The following MCOLN2 variants were observed in gnomAD, a reference collection of about 807,000 sequenced individuals.
MCOLN2 encodes the protein mucolipin TRP cation channel 2, also known as mucolipin-2.
Under a neutral mutation model 67.5 loss-of-function variants are expected in MCOLN2, and 57 were observed. The ratio of observed to expected loss-of-function variants is 0.84; its 90% CI spans 0.68 to 1.05. MCOLN2 has a LOEUF of 1.05. Among genes scored for constraint, MCOLN2 ranks in the 50% least tolerant of loss-of-function variants. MCOLN2 has a pLI of 0.00. For missense variants in MCOLN2, 620 were observed against 678.8 expected (o/e 0.91, Z 0.96); for synonymous variants, 246 against 233.3 (o/e 1.05, Z -0.50).
chr1:84,966,629 T>C (rs1036039650), intron 1 of MCOLN2, among the ~76,000 whole-genome samples: 2 of 152,208 alleles, frequency 1.3e-5, no homozygotes, highest in South Asian at 2.1e-4. Context: ...TTCCAGAATA[T>C]AAATAGCTTC....
At chr1:84,984,935 G>A (rs1557663636) in intron 1 of MCOLN2, among the ~76,000 whole-genome samples, 1 of 152,160 alleles carries the variant, frequency 6.6e-6, no homozygotes, top group Non-Finnish European at 1.5e-5. Flanking sequence ...GGTCGAGGCT[G>A]CAGTGAGCTG....
chr1:84,932,019 G>C (rs1647212028), intron 11 of MCOLN2, among the ~76,000 whole-genome samples: 1 of 140,918 alleles, frequency 7.1e-6, no homozygotes, highest in Non-Finnish European at 1.5e-5. Flanking sequence ...GCGAGACCCT[G>C]TCTCTTTAAA....
At chr1:84,971,620 CAG>C (rs2102867492) in intron 1 of MCOLN2, among the ~76,000 whole-genome samples, 2 of 151,132 alleles carry the variant, frequency 1.3e-5, no homozygotes, top group South Asian at 4.2e-4. Context: ...AATTTTAAAA[CAG>C]AGAAAGAGAG....
At chr1:84,937,913 T>C (rs768693761) in intron 10 of MCOLN2, 36 bp from the exon 11 acceptor site, 2 of 1,613,868 alleles carry the variant, frequency 1.2e-6, no homozygotes, top group South Asian at 2.2e-5. Context: ...AATGAAAAAG[T>C]AGCTATTAGA....
At chr1:84,987,582 A>AGATG (rs1650659471) in intron 1 of MCOLN2, among the ~76,000 whole-genome samples, 1 of 86,820 alleles carries the variant, frequency 1.2e-5, no homozygotes, top group African/African-American at 4.0e-5. Flanking sequence ...GTATACATAG[A>AGATG]TATATACATA....
rs149410150 is a variant in MCOLN2, at chr1:84,931,375, T to C, written c.1529A>G (p.Tyr510Cys). The C allele has an allele frequency of 4.2e-5, 65 of 1,564,232 alleles. No individual in the cohort carries two copies. The highest frequency in any genetic ancestry group is 5.4e-5 in the Non-Finnish European group (61 of 1,135,724). The change falls in exon 12 of 14, where the codon TAT becomes TGT. Residue 510 changes from tyrosine to cysteine, a missense_variant. Coordinates refer to ENST00000370608, the MANE Select transcript of MCOLN2 (RefSeq NM_153259.4). ...ATAATTACTTACCTTAATGGTGTCA[T>C]AAGAATCTGTAATAAGTGCAATAAA... ...SLFIALITDS[Y>C]DTIKKFQQNG...
intron 6 of MCOLN2, among the ~76,000 whole-genome samples, chr1:84,949,640 G>A (rs949553592): frequency 5.9e-5 from 9 of 151,978 alleles, no homozygotes; most frequent in Non-Finnish European, 1.0e-4. Context: ...GCAAGACTCC[G>A]TCTCAAAAAA....
At chr1:84,940,494 C>T (rs1647700908) in intron 8 of MCOLN2, among the ~76,000 whole-genome samples, 1 of 152,190 alleles carries the variant, frequency 6.6e-6, no homozygotes, top group Non-Finnish European at 1.5e-5. Context: ...TACCATGCCT[C>T]CCTGTCAAAA....
At chr1:84,954,503 C>T (rs1057464254) in intron 4 of MCOLN2, among the ~76,000 whole-genome samples, 2 of 152,218 alleles carry the variant, frequency 1.3e-5, no homozygotes, top group African/African-American at 4.8e-5. Context: ...ATTTAATCTT[C>T]AAAGCAACCT....
At chr1:84,970,211 C>T (rs566122775) in intron 1 of MCOLN2, among the ~76,000 whole-genome samples, 1 of 152,160 alleles carries the variant, frequency 6.6e-6, no homozygotes, top group Admixed American at 6.5e-5. Flanking sequence ...ATGGTGTACA[C>T]TGAATTCTCA....
intron 7 of MCOLN2, among the ~76,000 whole-genome samples, chr1:84,942,530 A>G (rs1647848941): frequency 6.6e-6 from 1 of 152,226 alleles, no homozygotes; most frequent in Non-Finnish European, 1.5e-5. Flanking sequence ...AAACAGCCCC[A>G]GGAAAATAAT....
chr1:84,938,054 A>T lies in MCOLN2; in HGVS notation c.1139T>A (p.Ile380Asn). Residue 380 changes from isoleucine (I) to asparagine (N), a missense_variant, in exon 10 of 14, where the codon ATT (isoleucine) becomes AAT (asparagine). Transcript: ENST00000370608. ...KNLTNYDLCSIFLGTSTLLVW... is the reference protein window; with the variant it reads ...KNLTNYDLCSNFLGTSTLLVW... ...CAAGAGCGTAGAGGTTCCAAGAAAA[A>T]TGCTGCAGAGATCATAGTTTGTGAG... 1.2e-6 allele frequency: 2 copies of T among 1,613,592 alleles called. No individual in the cohort carries two copies. Among genetic ancestry groups the T allele is most frequent in the Non-Finnish European group, 1.7e-6 (2 of 1,179,742 alleles).
chr1:84,944,788 G>A (rs548513185), intron 7 of MCOLN2, among the ~76,000 whole-genome samples: 1 of 152,266 alleles, frequency 6.6e-6, no homozygotes, highest in South Asian at 2.1e-4. Flanking sequence ...GGAGAGAGGA[G>A]CCTGGGGGTA....
chr1:84,993,598 A>G (rs906609708), intron 1 of MCOLN2, among the ~76,000 whole-genome samples: 2 of 150,732 alleles, frequency 1.3e-5, no homozygotes, highest in Non-Finnish European at 2.9e-5. Flanking sequence ...AATGTTACAA[A>G]ATGTAGTTCT....
At chr1:84,940,271 C>T (rs941891980) in intron 8 of MCOLN2, among the ~76,000 whole-genome samples, 8 of 152,254 alleles carry the variant, frequency 5.3e-5, no homozygotes, top group Admixed American at 2.0e-4. Flanking sequence ...AGACTACGTC[C>T]CTGCTCCACA....
At chr1:84,944,614 C>T (rs915652476) in intron 7 of MCOLN2, among the ~76,000 whole-genome samples, 3 of 152,200 alleles carry the variant, frequency 2.0e-5, no homozygotes, top group African/African-American at 7.2e-5. Flanking sequence ...TCCCCCAATT[C>T]CTCCCCAAGC....
chr1:84,988,719 C>G (rs1041564969), intron 1 of MCOLN2, among the ~76,000 whole-genome samples: 5 of 152,128 alleles, frequency 3.3e-5, no homozygotes, highest in South Asian at 2.1e-4. Context: ...AGTCAGATAT[C>G]ACTTCTTTGT....
chr1:84,958,675 G>T lies in MCOLN2; in HGVS notation c.265C>A (p.Leu89Met), dbSNP rs746140116. ...QLVRFGLSNQ[L>M]VVAFKEDNTV... ...TTATCTTCTTTGAAAGCAACCACCA[G>T]CTGGTTACTTAAACCAAAACGAACA... The change falls in exon 3 of 14, where the codon CTG (leucine) becomes ATG (methionine). Residue 89 changes from leucine (L) to methionine (M), a missense_variant. Physicochemically the swap from Leu to Met is conservative, Grantham distance 15. Transcript: ENST00000370608. The T allele has an allele frequency of 1.3e-6, 2 of 1,585,278 alleles. No homozygotes were observed. Among genetic ancestry groups the T allele is most frequent in the Non-Finnish European group, 1.7e-6 (2 of 1,170,354 alleles).
chr1:84,944,550 AAAG>A (rs1218797765), intron 7 of MCOLN2, among the ~76,000 whole-genome samples: 10 of 151,990 alleles, frequency 6.6e-5, no homozygotes, highest in Admixed American at 2.0e-4. Context: ...AGAAAGAAAG[AAAG>A]AAAAAAAACA....
Sources: gnomAD v4.1 joint callset for allele counts (sites outside exome capture counted in the v4.1 genomes callset) on GRCh38, gnomAD v4.1.1 for gene constraint, MANE v1.5 for transcripts, NCBI Gene and HGNC (gene_info 2026-07-23, HGNC 2026-07-21) for gene names.